The following HPCAL1 variants were observed in gnomAD, a reference collection of about 807,000 sequenced individuals.
HPCAL1 encodes hippocalcin like 1, also known as hippocalcin-like protein 1.
HPCAL1 carries 8 observed loss-of-function variants against 17.1 expected under a neutral mutation model. That is an observed-to-expected ratio of 0.47 (90% CI 0.27 to 0.84). HPCAL1 has a LOEUF of 0.84. Ranked by LOEUF, HPCAL1 falls within the 40% of genes least tolerant of loss-of-function variation. The pLI, the probability that HPCAL1 is intolerant of heterozygous loss-of-function variation, is 0.13. For missense variants in HPCAL1, 165 were observed against 271.1 expected (o/e 0.61, Z 2.75); for synonymous variants, 112 against 111.4 (o/e 1.01, Z -0.03).
chr2:10,340,637 C>T (rs1665021324), intron 1 of HPCAL1, among the ~76,000 whole-genome samples: 1 of 152,222 alleles, frequency 6.6e-6, no homozygotes, highest in Admixed American at 6.5e-5. Context: ...AGCTGGGACG[C>T]AACCCCAAGC....
At chr2:10,405,209 G>A (rs1324513786) in intron 2 of HPCAL1, among the ~76,000 whole-genome samples, 3 of 152,216 alleles carry the variant, frequency 2.0e-5, no homozygotes, top group East Asian at 3.8e-4. Context: ...CCCCAGCAGG[G>A]CCCCTGGGTC....
intron 1 of HPCAL1, among the ~76,000 whole-genome samples, chr2:10,325,836 A>T (rs1040861366): frequency 2.0e-5 from 3 of 152,242 alleles, no homozygotes; most frequent in African/African-American, 7.2e-5. Flanking sequence ...GCTGCGGCCA[A>T]TTAGCACCTC....
chr2:10,312,897 G>A (rs145647824), intron 1 of HPCAL1, among the ~76,000 whole-genome samples: 342 of 151,510 alleles, frequency 2.3e-3, no homozygotes, highest in Non-Finnish European at 3.7e-3. Flanking sequence ...CACTATCATC[G>A]TCATCATCAT....
intron 1 of HPCAL1, among the ~76,000 whole-genome samples, chr2:10,319,696 A>G (rs1233508387): frequency 6.6e-6 from 1 of 151,656 alleles, no homozygotes; most frequent in South Asian, 2.1e-4. Flanking sequence ...GTGCTCTCAC[A>G]TTAGTGGGTT....
chr2:10,417,426 G>A (rs796256882), intron 2 of HPCAL1, among the ~76,000 whole-genome samples: 26 of 151,408 alleles, frequency 1.7e-4, no homozygotes, highest in African/African-American at 5.1e-4. Context: ...TCTCCCTCCC[G>A]GCCAATGTTA....
intron 1 of HPCAL1, among the ~76,000 whole-genome samples, chr2:10,376,017 C>T (rs1300144723): frequency 6.6e-6 from 1 of 152,210 alleles, no homozygotes; most frequent in Non-Finnish European, 1.5e-5. Context: ...TGGCTTGGGC[C>T]ATCCCCCTGG....
intron 1 of HPCAL1, among the ~76,000 whole-genome samples, chr2:10,315,006 T>C (rs1663214899): frequency 6.6e-6 from 1 of 152,178 alleles, no homozygotes; most frequent in Non-Finnish European, 1.5e-5. Context: ...TAAAGAATTA[T>C]GCAGGCCAGG....
chr2:10,321,640 G>C (rs1444688287), intron 1 of HPCAL1, among the ~76,000 whole-genome samples: 2 of 152,064 alleles, frequency 1.3e-5, no homozygotes, highest in African/African-American at 2.4e-5. Flanking sequence ...TCGTGCCCTA[G>C]GCCCTGGAAA....
rs1664295868 is a variant in HPCAL1, at chr2:10,330,508, T to A, written c.-111+27331T>A. On this transcript the variant is annotated intron_variant, in intron 1 of 4. Transcript: ENST00000307845. This position sits in a 1 kb window ranked among gnomAD's most constrained non-coding sequence, Gnocchi z 4.2. ...TTTTTTACAGTATTGGAGGCTGATG[T>A]CTGAGACAGGGTGGCGGCAGGGTTG... is the stretch of plus-strand genomic sequence containing the variant. Among the ~76,000 whole-genome samples the A allele has an allele frequency of 6.6e-6, 1 of 152,012 alleles. No homozygotes were observed. Among genetic ancestry groups the A allele is most frequent in the Non-Finnish European group, 1.5e-5 (1 of 67,998 alleles).
chr2:10,407,231 A>T (rs1448166029), intron 2 of HPCAL1, among the ~76,000 whole-genome samples: 1 of 152,212 alleles, frequency 6.6e-6, no homozygotes, highest in Non-Finnish European at 1.5e-5. Context: ...CATGCCAGAA[A>T]ACAGAGATTT....
chr2:10,310,616 T>G lies in HPCAL1; in HGVS notation c.-111+7439T>G, dbSNP rs905922952. Among the ~76,000 whole-genome samples the G allele has an allele frequency of 1.3e-5, 2 of 152,074 alleles. No homozygotes were observed. Among genetic ancestry groups the G allele is most frequent in the African/African-American group, 4.8e-5 (2 of 41,412 alleles). On this transcript the variant is annotated intron_variant, in intron 1 of 4. Coordinates refer to ENST00000307845, the MANE Select transcript of HPCAL1 (RefSeq NM_002149.4). The surrounding 1 kb of genome is among the most constrained non-coding windows in gnomAD (Gnocchi z 4.5). ...TGATGCACCTACAGAGACCCTGAGC[T>G]TGGTGGTGGGGGTTGCACAGAGAGA...
chr2:10,342,297 G>A lies in HPCAL1; in HGVS notation c.-111+39120G>A, dbSNP rs1182680509. 2.0e-5 allele frequency among the ~76,000 whole-genome samples: 3 copies of A among 152,202 alleles called. No homozygotes were observed. The East Asian group carries it at 5.8e-4, about 29-fold the overall frequency. ...CCTGTTGAATAAGCAACAGGCCGAG[G>A]TGGGGACCCTGCCTCGCCCGCCTCC... On this transcript the variant is annotated intron_variant, in intron 1 of 4. Transcript: ENST00000307845. The surrounding 1 kb of genome is among the most constrained non-coding windows in gnomAD (Gnocchi z 4.1).
intron 2 of HPCAL1, among the ~76,000 whole-genome samples, chr2:10,397,196 G>A (rs929770992): frequency 4.6e-5 from 7 of 152,030 alleles, no homozygotes; most frequent in Admixed American, 2.6e-4. Flanking sequence ...GGTAAATCGC[G>A]TGACCTTCGG....
chr2:10,337,045 AC>A (rs1440715458), intron 1 of HPCAL1, among the ~76,000 whole-genome samples: 2 of 152,074 alleles, frequency 1.3e-5, no homozygotes. Context: ...GAGCCACTGG[AC>A]CCGGCAGGAA....
intron 1 of HPCAL1, among the ~76,000 whole-genome samples, chr2:10,337,729 A>T (rs1209037318): frequency 6.6e-6 from 1 of 152,156 alleles, no homozygotes; most frequent in South Asian, 2.1e-4. Context: ...GCTGTGGCTA[A>T]GATCTTCCCC....
chr2:10,317,537 C>T (rs930339119), intron 1 of HPCAL1, among the ~76,000 whole-genome samples: 2 of 151,990 alleles, frequency 1.3e-5, no homozygotes, highest in Admixed American at 6.5e-5. Context: ...CCTGCCTCAA[C>T]CTCCTGAGTA....
At chr2:10,349,519 C>T (rs1339741333) in intron 1 of HPCAL1, among the ~76,000 whole-genome samples, 10 of 151,254 alleles carry the variant, frequency 6.6e-5, no homozygotes, top group Non-Finnish European at 1.2e-4. Flanking sequence ...CTGGCTAACA[C>T]GGTGAAACCC....
rs762254516 is a variant in HPCAL1, at chr2:10,395,351, G to A, written c.-110-1484G>A. Among the ~76,000 whole-genome samples the A allele has an allele frequency of 1.3e-5, 2 of 152,126 alleles. No individual in the cohort carries two copies. Among genetic ancestry groups the A allele is most frequent in the Non-Finnish European group, 2.9e-5 (2 of 68,032 alleles). On this transcript the variant is annotated intron_variant, in intron 1 of 4. Transcript: ENST00000307845. The surrounding 1 kb of genome is among the most constrained non-coding windows in gnomAD (Gnocchi z 4.4). Reference sequence around the variant, plus strand: ...TTTCCAATCACACGTGATGCATCTCGGGGGCATTCATTTGTCAAACATTAT... The same window carrying A: ...TTTCCAATCACACGTGATGCATCTCAGGGGCATTCATTTGTCAAACATTAT...
chr2:10,358,142 C>T (rs989973716), intron 1 of HPCAL1, among the ~76,000 whole-genome samples: 5 of 152,348 alleles, frequency 3.3e-5, no homozygotes, highest in East Asian at 1.9e-4. Flanking sequence ...AAATCGTGGC[C>T]GATGGCTGGA....
Sources: allele counts gnomAD v4.1 joint callset (sites outside exome capture counted in the v4.1 genomes callset), GRCh38; gene constraint gnomAD v4.1.1; non-coding constraint Gnocchi (gnomAD v3.1); transcripts MANE v1.5; gene names NCBI Gene and HGNC (gene_info 2026-07-23, HGNC 2026-07-21).